SPON2: variants seen among roughly 807,000 people sequenced by gnomAD.
SPON2 encodes spondin 2.
A neutral mutation model predicts 29.9 loss-of-function variants in SPON2; 32 were observed. The observed-to-expected ratio is 1.07, with a 90% CI of 0.81 to 1.44. The LOEUF (loss-of-function observed/expected upper bound fraction) is 1.44, where lower values mean the gene tolerates loss of function less well. Among genes scored for constraint, SPON2 ranks in the 40% most tolerant of loss-of-function variants. SPON2 has a pLI of 0.00. For synonymous variants in SPON2, 248 were observed against 209.1 expected (o/e 1.19, Z -1.61); for missense variants, 541 against 455.5 (o/e 1.19, Z -1.71).
chr4:1,175,417 C>T (rs1232990930), upstream of SPON2, among the ~76,000 whole-genome samples: 3 of 152,222 alleles, frequency 2.0e-5, no homozygotes, highest in African/African-American at 7.2e-5. Flanking sequence ...CAGCCCGGCC[C>T]TCATGCCGTC....
chr4:1,168,380 C>G (rs911344787), intron 5 of SPON2, among the ~76,000 whole-genome samples: 2 of 152,190 alleles, frequency 1.3e-5, no homozygotes, highest in South Asian at 4.1e-4. Context: ...GCTCGGCTCT[C>G]CTCACAAATC....
upstream of SPON2, among the ~76,000 whole-genome samples, chr4:1,174,107 G>A (rs143782873): frequency 5.3e-5 from 8 of 152,314 alleles, no homozygotes; most frequent in African/African-American, 1.4e-4. Flanking sequence ...GACTGTGTCT[G>A]TGGTCCCGGC....
At chr4:1,205,219 C>G (rs1177297913) in intron 1 of SPON2, 1 of 152,420 alleles carries the variant, frequency 6.6e-6, no homozygotes, top group African/African-American at 2.4e-5. Flanking sequence ...GGCACATGGA[C>G]AGGAACTGGC....
At chr4:1,180,366 AGTT>A (rs2108657273) in intron 1 of SPON2, among the ~76,000 whole-genome samples, 1 of 152,326 alleles carries the variant, frequency 6.6e-6, no homozygotes, top group South Asian at 2.1e-4. Flanking sequence ...AATTCAGAAA[AGTT>A]AATAATAAAC....
upstream of SPON2, among the ~76,000 whole-genome samples, chr4:1,196,162 G>A (rs1039044450): frequency 4.6e-5 from 7 of 152,306 alleles, no homozygotes; most frequent in African/African-American, 1.2e-4. Context: ...CTAGCGCCCC[G>A]CCTCAGTCAG....
At position 1,171,444 on chromosome 4, in the gene SPON2, T is replaced by G. The variant is rs746258927; in HGVS notation, c.263A>C (p.Gln88Pro). 1 of 1,612,178 alleles carries G rather than the reference T, an allele frequency of 6.2e-7. No individual in the cohort carries two copies. The change falls in exon 3 of 6, where the codon CAG (glutamine) becomes CCG (proline). Residue 88 changes from glutamine (Q) to proline (P), a missense_variant. Gln to Pro is a moderately conservative substitution (Grantham distance 76). Transcript: ENST00000290902. ...GTCGCGCAGCCCGTTACTGACGTAC[T>G]GGTTCTTCCTCCACATGCTGTAGTC... is the stretch of plus-strand genomic sequence containing the variant. ...SSDYSMWRKN[Q>P]YVSNGLRDFA...
intron 1 of SPON2, among the ~76,000 whole-genome samples, chr4:1,183,211 C>G (rs888002738): frequency 2.3e-5 from 3 of 127,870 alleles, no homozygotes; most frequent in African/African-American, 8.9e-5. Flanking sequence ...CACTGCACTC[C>G]AACCTGGGCA....
intron 1 of SPON2, among the ~76,000 whole-genome samples, chr4:1,203,696 AC>A: frequency 6.6e-6 from 1 of 152,254 alleles, no homozygotes; most frequent in South Asian, 2.1e-4. Context: ...TGAGGTTCCC[AC>A]GTCTCCGCCC....
intron 1 of SPON2, among the ~76,000 whole-genome samples, chr4:1,182,676 A>C (rs1448589995): frequency 1.3e-5 from 2 of 152,222 alleles, no homozygotes; most frequent in African/African-American, 4.8e-5. Context: ...TGAAGAAATA[A>C]TAGTTTAAAA....
rs577165534 is a variant in SPON2 at position 1,171,918 on chromosome 4, T to A, written c.154A>T (p.Ser52Cys). 10 of 1,612,796 alleles carry A rather than the reference T, an allele frequency of 6.2e-6. No homozygotes were observed. The highest frequency in any genetic ancestry group is 5.5e-5 in the South Asian group (5 of 91,080). Reference sequence around the variant, plus strand: ...TACTGCTTGGGGAAGGCCGTCTGGCTCCACTTGCCCGTGAAGGTGATGCTG... The same window carrying A: ...TACTGCTTGGGGAAGGCCGTCTGGCACCACTTGCCCGTGAAGGTGATGCTG... The part of the protein sequence containing the change: ...KYSITFTGKW[S>C]QTAFPKQYPL... Residue 52 changes from serine to cysteine, a missense_variant, in exon 2 of 6, where the codon AGC becomes TGC. Ser to Cys is a moderately radical substitution (Grantham distance 112). Transcript: ENST00000290902.
At chr4:1,194,046 C>G (rs1015713659) in intron 1 of SPON2, among the ~76,000 whole-genome samples, 1 of 152,026 alleles carries the variant, frequency 6.6e-6, no homozygotes, top group African/African-American at 2.4e-5. Context: ...GCAGCTGTTC[C>G]CACCTTCCCT....
upstream of SPON2, among the ~76,000 whole-genome samples, chr4:1,174,486 C>CAAAAAAAAAAAAAAAAAA (rs59532169): frequency 2.1e-5 from 2 of 94,252 alleles, no homozygotes; most frequent in Admixed American, 1.0e-4. Flanking sequence ...GACTCCATCT[C>CAAAAAAAAAAAAAAAAAA]AAAAAAAAAA....
At chr4:1,179,999 G>A (rs1727676966) in intron 1 of SPON2, among the ~76,000 whole-genome samples, 1 of 152,086 alleles carries the variant, frequency 6.6e-6, no homozygotes, top group Non-Finnish European at 1.5e-5. Flanking sequence ...GGAAAATCTG[G>A]GAAGTGAGAT....
chr4:1,193,095 G>A (rs538617780), intron 1 of SPON2, among the ~76,000 whole-genome samples: 23 of 152,322 alleles, frequency 1.5e-4, no homozygotes, highest in South Asian at 1.2e-3. Flanking sequence ...GCCCGACACA[G>A]CTGCACCATG....
At position 1,192,383 on chromosome 4, in the gene SPON2, G is replaced by A. The variant is rs368791690; in HGVS notation, c.-239+2607C>T. 1.3e-3 allele frequency among the ~76,000 whole-genome samples: 197 copies of A among 152,366 alleles called. 4 individuals carry two copies. In the South Asian group the frequency reaches 0.037, roughly 28 times the overall value. ...CAAGGAAAGGGATTTGGAATTCAGG[G>A]ATTTATGCTTTAAATTTCACATTTT... On this transcript the variant is annotated intron_variant, in intron 1 of 3. Transcript: ENST00000502483.
chr4:1,184,868 C>A (rs960295127), intron 1 of SPON2, among the ~76,000 whole-genome samples: 2 of 146,604 alleles, frequency 1.4e-5, no homozygotes, highest in African/African-American at 5.0e-5. Context: ...ACCCAGGAAG[C>A]GGAGGTTGCA....
At chr4:1,170,165 T>G (rs942079394) in intron 5 of SPON2, 52 of 506,524 alleles carry the variant, frequency 1.0e-4, no homozygotes, top group Non-Finnish European at 1.7e-4. Flanking sequence ...GGAGCCTCCT[T>G]TCATTCTTTC....
At chr4:1,180,184 C>T (rs572657275) in intron 1 of SPON2, among the ~76,000 whole-genome samples, 6 of 152,060 alleles carry the variant, frequency 3.9e-5, no homozygotes, top group South Asian at 2.1e-4. Context: ...GTTAACTGCC[C>T]GACTGAGTGT....
intron 1 of SPON2, among the ~76,000 whole-genome samples, chr4:1,184,266 G>A (rs1014952653): frequency 6.6e-6 from 1 of 152,204 alleles, no homozygotes; most frequent in East Asian, 1.9e-4. Context: ...ACTGCAACTG[G>A]CCAGTAATTA....
Sources: allele counts gnomAD v4.1 joint callset (sites outside exome capture counted in the v4.1 genomes callset), GRCh38; gene constraint gnomAD v4.1.1; transcripts MANE v1.5; gene names NCBI Gene and HGNC (gene_info 2026-07-23, HGNC 2026-07-21).